Variants in B4GALT5 observed in about 807,000 individuals in gnomAD.
B4GALT5 encodes the protein beta-1,4-galactosyltransferase 5.
Under a neutral mutation model 45.0 loss-of-function variants are expected in B4GALT5, and 11 were observed. The observed-to-expected ratio is 0.24, with a 90% confidence interval of 0.15 to 0.40. The LOEUF is 0.40. Ranked by LOEUF, B4GALT5 falls within the 10% of genes least tolerant of loss-of-function variation. The pLI is 1.00. For synonymous variants in B4GALT5, 185 were observed against 182.9 expected, an observed-to-expected ratio of 1.01 and a Z score of -0.09; for missense variants, 337 against 500.2, an observed-to-expected ratio of 0.67 and a Z score of 3.11.
At chr20:49,641,104 G>A (rs1476285457) in intron 5 of B4GALT5, among the ~76,000 whole-genome samples, 1 of 150,782 alleles carries the variant, frequency 6.6e-6, no homozygotes, top group East Asian at 2.0e-4. Flanking sequence ...GACAGAGCAA[G>A]ACTCCATCTC....
chr20:49,705,793 T>C (rs560479346), intron 1 of B4GALT5, among the ~76,000 whole-genome samples: 2 of 152,178 alleles, frequency 1.3e-5, no homozygotes, highest in South Asian at 2.1e-4. Flanking sequence ...AAAAAATTCA[T>C]ACCTAGTTAT....
At chr20:49,668,165 G>A (rs544383008) in intron 1 of B4GALT5, among the ~76,000 whole-genome samples, 3 of 152,054 alleles carry the variant, frequency 2.0e-5, no homozygotes, top group Non-Finnish European at 2.9e-5. Context: ...CTCATTTGAG[G>A]CAGAAAAATC....
chr20:49,642,831 AT>A (rs2085582593), intron 4 of B4GALT5, among the ~76,000 whole-genome samples: 1 of 152,250 alleles, frequency 6.6e-6, no homozygotes, highest in Admixed American at 6.5e-5. Context: ...GCCATAACTC[AT>A]AGGAAAACAC....
rs1041382038 is a variant in B4GALT5, at chr20:49,656,800, T to A, written c.116-98A>T. The stretch of plus-strand genomic sequence containing the variant: ...TGGATTTTTTTTTCTTTTTGGACTT[T>A]TAAAGCCTCTTTTAGTTCTTTTAAA... On this transcript the variant is annotated intron_variant, in intron 1 of 8. Coordinates refer to ENST00000371711, the MANE Select transcript of B4GALT5 (RefSeq NM_004776.4). 2.0e-6 allele frequency: 3 copies of A among 1,494,640 alleles called. No homozygotes were observed. The African/African-American group carries it at 4.2e-5, about 21-fold the overall frequency. The allele number at this position is 1,494,640 out of a possible 1,614,324, so 92.6% of individuals were successfully genotyped here. A position where few individuals can be genotyped will look rare whatever the true frequency, so the allele number is the denominator to read the frequency against.
intron 1 of B4GALT5, among the ~76,000 whole-genome samples, chr20:49,668,910 G>A (rs1159591757): frequency 6.6e-6 from 1 of 152,014 alleles, no homozygotes; most frequent in African/African-American, 2.4e-5. Flanking sequence ...CACCCAGGCT[G>A]GATTGCAGTG....
chr20:49,650,470 A>C (rs899205573), intron 2 of B4GALT5, among the ~76,000 whole-genome samples: 3 of 151,362 alleles, frequency 2.0e-5, no homozygotes, highest in Non-Finnish European at 2.9e-5. Flanking sequence ...AAAAAAAAAA[A>C]AAAAAAAAAC....
chr20:49,643,707 G>T, intron 3 of B4GALT5, 57 bp from the exon 4 acceptor site: 1 of 1,574,848 alleles, frequency 6.3e-7, no homozygotes, highest in South Asian at 1.1e-5. Flanking sequence ...GTTTCCCTAT[G>T]CCTGGGGTTT....
chr20:49,712,831 G>A (rs1412290937), intron 1 of B4GALT5, among the ~76,000 whole-genome samples: 8 of 105,864 alleles, frequency 7.6e-5, no homozygotes, highest in Non-Finnish European at 1.2e-4. Context: ...TTGTGGGTAC[G>A]CGAGGTGGGG....
At chr20:49,669,998 C>T (rs1601259919) in intron 1 of B4GALT5, among the ~76,000 whole-genome samples, 1 of 152,322 alleles carries the variant, frequency 6.6e-6, no homozygotes, top group South Asian at 2.1e-4. Flanking sequence ...AAAGTTTTTA[C>T]TTACATTATT....
Position 49,635,946 on chromosome 20 carries a change from C to A in B4GALT5, c.*366G>T. ...CTCCAAGGTCATGTGTAGGGACAGG[C>A]TCCACGGCAGGACCACGGCAGGACC... On this transcript the variant is annotated 3_prime_UTR_variant, in exon 9 of 9. Coordinates refer to ENST00000371711, the MANE Select transcript of B4GALT5 (RefSeq NM_004776.4). 1 of 217,526 alleles carries A rather than the reference C, an allele frequency of 4.6e-6. No homozygotes were observed. Among genetic ancestry groups the A allele is most frequent in the Non-Finnish European group, 9.4e-6 (1 of 106,944 alleles). 13.5% of individuals were successfully genotyped at this position (217,526 alleles called of 1,614,324 possible).
At chr20:49,649,555 G>T (rs1194216770) in intron 2 of B4GALT5, among the ~76,000 whole-genome samples, 1 of 152,096 alleles carries the variant, frequency 6.6e-6, no homozygotes, top group Non-Finnish European at 1.5e-5. Flanking sequence ...ACTCCAGCCT[G>T]GGTGACAGAA....
At chr20:49,686,391 G>A (rs2085785582) in intron 1 of B4GALT5, among the ~76,000 whole-genome samples, 1 of 152,148 alleles carries the variant, frequency 6.6e-6, no homozygotes. Flanking sequence ...CTGCTCTGCA[G>A]AAGCCCAAGA....
chr20:49,704,668 G>A (rs1343046302), intron 1 of B4GALT5, among the ~76,000 whole-genome samples: 3 of 149,370 alleles, frequency 2.0e-5, no homozygotes, highest in African/African-American at 7.4e-5. Context: ...GCAGTGAGCC[G>A]AGATCCCGCC....
intron 1 of B4GALT5, among the ~76,000 whole-genome samples, chr20:49,657,230 G>A (rs1453736547): frequency 1.3e-5 from 2 of 152,142 alleles, no homozygotes; most frequent in African/African-American, 4.8e-5. Context: ...TTACCCTTGG[G>A]AGATTTGGAA....
At chr20:49,690,603 A>C (rs940141947) in intron 1 of B4GALT5, among the ~76,000 whole-genome samples, 2 of 152,188 alleles carry the variant, frequency 1.3e-5, no homozygotes, top group East Asian at 3.9e-4. Flanking sequence ...ATAGTAAATG[A>C]AACCATATTC....
At chr20:49,681,562 G>A (rs1251805401) in intron 1 of B4GALT5, among the ~76,000 whole-genome samples, 1 of 152,156 alleles carries the variant, frequency 6.6e-6, no homozygotes. Context: ...CTGAGCACCA[G>A]GATTGTAGAC....
At chr20:49,698,711 T>C (rs1229682276) in intron 1 of B4GALT5, among the ~76,000 whole-genome samples, 1 of 152,142 alleles carries the variant, frequency 6.6e-6, no homozygotes, top group Non-Finnish European at 1.5e-5. Context: ...CCAGGGACCA[T>C]CTTGGCAGCC....
intron 1 of B4GALT5, among the ~76,000 whole-genome samples, chr20:49,692,232 A>G (rs1488592746): frequency 6.6e-6 from 1 of 151,798 alleles, no homozygotes; most frequent in East Asian, 1.9e-4. Context: ...CTATTTATAC[A>G]TAAGCCTTTC....
intron 3 of B4GALT5, among the ~76,000 whole-genome samples, chr20:49,644,374 C>G (rs2123000737): frequency 6.6e-6 from 1 of 152,296 alleles, no homozygotes; most frequent in African/African-American, 2.4e-5. Flanking sequence ...CTATGAGCCC[C>G]TGCACCTGGC....
Sources: gnomAD v4.1 joint callset for allele counts (sites outside exome capture counted in the v4.1 genomes callset) on GRCh38, gnomAD v4.1.1 for gene constraint, MANE v1.5 for transcripts, NCBI Gene and HGNC (gene_info 2026-07-23, HGNC 2026-07-21) for gene names.